CPNE4: variants seen among roughly 807,000 people sequenced by gnomAD.
CPNE4 encodes the protein copine 4, also known as copine-4.
Under a neutral mutation model 67.9 loss-of-function variants are expected in CPNE4, and 25 were observed. That is an observed-to-expected ratio of 0.37 (90% CI 0.27 to 0.51). The LOEUF is 0.51. Among genes scored for constraint, CPNE4 ranks in the 20% least tolerant of loss-of-function variants. The pLI is 0.93. For synonymous variants in CPNE4, 242 were observed against 244.9 expected (o/e 0.99, Z 0.11); for missense variants, 464 against 690.8 (o/e 0.67, Z 3.68).
At chr3:131,546,867 A>G (rs1935872010) in intron 14 of CPNE4, among the ~76,000 whole-genome samples, 1 of 152,206 alleles carries the variant, frequency 6.6e-6, no homozygotes, top group Non-Finnish European at 1.5e-5. Flanking sequence ...AAGAGAATGG[A>G]CAAGTTTCTG....
chr3:131,916,959 G>A (rs114836824), intron 1 of CPNE4, among the ~76,000 whole-genome samples: 4,422 of 152,194 alleles, frequency 0.029, 213 homozygotes, highest in African/African-American at 0.1. Flanking sequence ...ACTGGATGCG[G>A]AAGTGCTCAA....
At position 131,742,450 on chromosome 3, in the gene CPNE4, T is replaced by C. The variant is rs577297983; in HGVS notation, c.181-18825A>G. ...AGATCTTAGGACTTCTCAGCTTCCATAGTTGCACGGGCCAATTCTTAATAG... is the reference window on the plus strand; with the variant it reads ...AGATCTTAGGACTTCTCAGCTTCCACAGTTGCACGGGCCAATTCTTAATAG... On this transcript the variant is annotated intron_variant, in intron 2 of 15. Transcript: ENST00000429747. 1.2e-3 allele frequency among the ~76,000 whole-genome samples: 182 copies of C among 152,306 alleles called. 1 individual carries two copies. Among genetic ancestry groups the C allele is most frequent in the African/African-American group, 3.8e-3 (160 of 41,568 alleles).
At chr3:131,643,621 G>T (rs2107798394) in intron 7 of CPNE4, among the ~76,000 whole-genome samples, 1 of 152,308 alleles carries the variant, frequency 6.6e-6, no homozygotes, top group East Asian at 1.9e-4. Flanking sequence ...GAAGGGGCCA[G>T]TGGTGGAATG....
chr3:132,009,774 G>A (rs1038132233), intron 1 of CPNE4, among the ~76,000 whole-genome samples: 16 of 152,178 alleles, frequency 1.1e-4, no homozygotes, highest in African/African-American at 3.4e-4. Flanking sequence ...GACTAATTTT[G>A]TCCCCTGGGG....
intron 1 of CPNE4, among the ~76,000 whole-genome samples, chr3:131,929,379 T>C (rs981032342): frequency 2.0e-5 from 3 of 152,116 alleles, no homozygotes; most frequent in African/African-American, 7.2e-5. Flanking sequence ...ATTTGAATGA[T>C]CTTTGGTACA....
Position 131,799,574 on chromosome 3 carries a change from G to A in CPNE4, c.181-75949C>T, listed in dbSNP as rs2084016507. 2.0e-5 allele frequency among the ~76,000 whole-genome samples: 3 copies of A among 152,234 alleles called. No individual in the cohort carries two copies. The South Asian group carries it at 6.2e-4, about 32-fold the overall frequency. ...TCTGAATTTAACTATTAAATAAACT[G>A]AAGTAATATTCTTTCACGACCTCCT... is the stretch of plus-strand genomic sequence containing the variant. On this transcript the variant is annotated intron_variant, in intron 2 of 15. Transcript: ENST00000429747.
At position 131,717,918 on chromosome 3, in the gene CPNE4, CTT is replaced by C. The variant is rs879932656; in HGVS notation, c.360+5526_360+5527del. Among the ~76,000 whole-genome samples the C allele has an allele frequency of 7.6e-3, 1,015 of 134,380 alleles. 15 individuals are homozygous for C. The highest frequency in any genetic ancestry group is 0.012 in the Non-Finnish European group (749 of 61,582). The allele number at this position is 134,380 out of a possible 152,430, so 88.2% of individuals were successfully genotyped here. On this transcript the variant is annotated intron_variant, in intron 3 of 15. Transcript: ENST00000429747. ...TCTTTCTTTCTTTCTTTCTTTCTTT[CTT>C]TCTTTCTTTCTTTCTTTCTTTCTTT...
intron 1 of CPNE4, among the ~76,000 whole-genome samples, chr3:131,909,623 A>G (rs949647767): frequency 2.0e-5 from 3 of 152,162 alleles, no homozygotes; most frequent in South Asian, 2.1e-4. Context: ...ACCAAACACC[A>G]CGAAATAGCA....
intron 2 of CPNE4, among the ~76,000 whole-genome samples, chr3:131,799,919 T>TTGTGTG (rs3070292): frequency 4.1e-5 from 6 of 145,580 alleles, no homozygotes; most frequent in Non-Finnish European, 7.5e-5. Context: ...TGTGTGTGTG[T>TTGTGTG]TGTGTGTGTG....
At chr3:131,846,300 G>A (rs1354054699) in intron 2 of CPNE4, among the ~76,000 whole-genome samples, 1 of 152,148 alleles carries the variant, frequency 6.6e-6, no homozygotes, top group Non-Finnish European at 1.5e-5. Flanking sequence ...GTTTAGTACA[G>A]ATCCTCTGGA....
intron 1 of CPNE4, among the ~76,000 whole-genome samples, chr3:132,028,849 A>G (rs1324084396): frequency 6.6e-6 from 1 of 152,108 alleles, no homozygotes; most frequent in African/African-American, 2.4e-5. Context: ...AGAATGTAAA[A>G]TATCTCAATA....
chr3:131,700,238 G>A (rs764113436), intron 3 of CPNE4, among the ~76,000 whole-genome samples: 4 of 151,464 alleles, frequency 2.6e-5, no homozygotes, highest in Non-Finnish European at 4.4e-5. Flanking sequence ...TTGGGAGGTG[G>A]CTTAATTGTT....
At chr3:132,027,232 C>A (rs1232282701) in intron 1 of CPNE4, among the ~76,000 whole-genome samples, 1 of 152,104 alleles carries the variant, frequency 6.6e-6, no homozygotes, top group African/African-American at 2.4e-5. Context: ...CAGAGAAGAA[C>A]CCCAGGCCCA....
At chr3:131,811,921 C>G (rs1192134945) in intron 2 of CPNE4, among the ~76,000 whole-genome samples, 1 of 152,030 alleles carries the variant, frequency 6.6e-6, no homozygotes, top group Non-Finnish European at 1.5e-5. Context: ...GGTCACACAG[C>G]TAACAACTGG....
At chr3:131,639,028 G>C (rs1026450732) in intron 7 of CPNE4, among the ~76,000 whole-genome samples, 2 of 152,122 alleles carry the variant, frequency 1.3e-5, no homozygotes, top group Non-Finnish European at 2.9e-5. Flanking sequence ...TAAGAGGAAA[G>C]TTCATAGCAT....
intron 1 of CPNE4, among the ~76,000 whole-genome samples, chr3:131,944,675 T>C (rs549446750): frequency 1.1e-4 from 16 of 145,634 alleles, no homozygotes; most frequent in Admixed American, 2.8e-4. Context: ...GGTGGGTTTG[T>C]GTAGTGGAAG....
intron 1 of CPNE4, among the ~76,000 whole-genome samples, chr3:131,955,848 C>T (rs781661991): frequency 6.6e-6 from 1 of 152,152 alleles, no homozygotes; most frequent in Non-Finnish European, 1.5e-5. Context: ...CTATTTTCCT[C>T]AATCACTGCT....
At position 131,792,617 on chromosome 3, in the gene CPNE4, A is replaced by ATATACACGTG. The variant is rs1560320817; in HGVS notation, c.181-68993_181-68992insCACGTGTATA. On this transcript the variant is annotated intron_variant, in intron 2 of 15. Transcript: ENST00000429747. The stretch of plus-strand genomic sequence containing the variant: ...TATATGTATATGTGTGTGTGTATAT[A>ATATACACGTG]TGTATATATATATACACACGTGTAT... Among the ~76,000 whole-genome samples the ATATACACGTG allele has an allele frequency of 2.9e-4, 29 of 99,196 alleles. No homozygotes were observed. The East Asian group carries it at 3.5e-3, about 12-fold the overall frequency. The allele number at this position is 99,196 out of a possible 152,430, so 65.1% of individuals were successfully genotyped here. A position where few individuals can be genotyped will look rare whatever the true frequency, so the allele number is the denominator to read the frequency against.
Position 131,653,369 on chromosome 3 carries a change from C to G in CPNE4, c.681+16306G>C, listed in dbSNP as rs548347273. Among the ~76,000 whole-genome samples the G allele has an allele frequency of 1.4e-4, 21 of 151,996 alleles. No individual in the cohort carries two copies. In the South Asian group the frequency reaches 4.2e-3, roughly 30 times the overall value. On this transcript the variant is annotated intron_variant, in intron 7 of 15. Transcript: ENST00000429747. ...TTCACCATGATAGCCAGGATGGTCTCGATCTGCTGACCTCGTGATCTGCCC... is the reference window on the plus strand; with the variant it reads ...TTCACCATGATAGCCAGGATGGTCTGGATCTGCTGACCTCGTGATCTGCCC...
Sources: allele counts gnomAD v4.1 joint callset (sites outside exome capture counted in the v4.1 genomes callset), GRCh38; gene constraint gnomAD v4.1.1; transcripts MANE v1.5; gene names NCBI Gene and HGNC (gene_info 2026-07-23, HGNC 2026-07-21).